TNFAIP2: variants seen among roughly 807,000 people sequenced by gnomAD.
The protein encoded by TNFAIP2 is TNF alpha induced protein 2.
TNFAIP2 carries 47 observed loss-of-function variants against 63.5 expected under a neutral mutation model. The ratio of observed to expected loss-of-function variants is 0.74; its 90% CI spans 0.59 to 0.94. The LOEUF is 0.94. TNFAIP2 is among the 40% of genes least tolerant of loss of function. TNFAIP2 has a pLI of 0.00. For missense variants in TNFAIP2, 787 were observed against 850.2 expected (o/e 0.93, Z 0.92); for synonymous variants, 405 against 390.2 (o/e 1.04, Z -0.45).
Position 103,126,526 on chromosome 14 carries a change from G to C in TNFAIP2, c.69G>C (p.Glu23Asp), listed in dbSNP as rs1244292347. 10 of 1,584,736 alleles carry C rather than the reference G, an allele frequency of 6.3e-6. No homozygotes were observed. In the Admixed American group the frequency reaches 1.8e-4, roughly 29 times the overall value. The part of the protein sequence containing the change: ...LEAGAAPYRE[E>D]EEAAKKKKEK... ...CTGGGGCAGCCCCATATAGGGAGGA[G>C]GAAGAGGCGGCGAAGAAGAAGAAGG... Residue 23 changes from glutamate to aspartate, a missense_variant, in exon 2 of 12, where the codon GAG becomes GAC. By Grantham distance (45) the Glu-to-Asp change is conservative. This residue lies in a region of TNFAIP2 where 258 missense variants were observed against 228.9 expected (regional missense o/e 1.13). Coordinates refer to ENST00000560869, the MANE Select transcript of TNFAIP2 (RefSeq NM_006291.4).
Position 103,126,494 on chromosome 14 carries a change from C to A in TNFAIP2, c.37C>A (p.Leu13Met). The change falls in exon 2 of 12, where the codon CTG becomes ATG. Residue 13 changes from leucine (L) to methionine (M), a missense_variant. Physicochemically the swap from Leu to Met is conservative, Grantham distance 15 (BLOSUM62 2). Transcript: ENST00000560869. ...CTCCTCTGAGGACCTGGTGCCACCC[C>A]TGGAGGCTGGGGCAGCCCCATATAG... The part of the protein sequence containing the change: ...EASSEDLVPP[L>M]EAGAAPYREE... The A allele has an allele frequency of 6.3e-7, 1 of 1,595,852 alleles. No homozygotes were observed. The highest frequency in any genetic ancestry group is 2.3e-5 in the East Asian group (1 of 44,002).
chr14:103,127,706 T>G lies in TNFAIP2; in HGVS notation c.860+77T>G, dbSNP rs974893023. 2.2e-6 allele frequency: 3 copies of G among 1,381,186 alleles called. No individual in the cohort carries two copies. The highest frequency in any genetic ancestry group is 1.7e-5 in the African/African-American group (1 of 59,020). The allele number at this position is 1,381,186 out of a possible 1,614,324, so 85.6% of individuals were successfully genotyped here. A position where few individuals can be genotyped will look rare whatever the true frequency, so the allele number is the denominator to read the frequency against. On this transcript the variant is annotated intron_variant, in intron 3 of 11. Coordinates refer to ENST00000560869, the MANE Select transcript of TNFAIP2 (RefSeq NM_006291.4). The surrounding 1 kb of genome is among the most constrained non-coding windows in gnomAD (Gnocchi z 5.1). ...GGAGGGGTGTCGAGGGGTGTCGAGG[T>G]GTGCCGCCGGCAGCTTTTAGTGAGG...
rs1175353038 is a variant in TNFAIP2 at position 103,127,669 on chromosome 14, G to A, written c.860+40G>A. The A allele has an allele frequency of 1.4e-6, 2 of 1,432,170 alleles. No homozygotes were observed. The highest frequency in any genetic ancestry group is 2.7e-5 in the Admixed American group (1 of 37,542). The allele number at this position is 1,432,170 out of a possible 1,614,324, so 88.7% of individuals were successfully genotyped here. A position where few individuals can be genotyped will look rare whatever the true frequency, so the allele number is the denominator to read the frequency against. On this transcript the variant is annotated intron_variant, in intron 3 of 11. Transcript: ENST00000560869. This position sits in a 1 kb window ranked among gnomAD's most constrained non-coding sequence, Gnocchi z 5.1. ...GGCTGGGCCCGGGCCGGCAGGGAGG[G>A]TGTCCTCTGTAGGAGGGGTGTCGAG...
In TNFAIP2 at chr14:103,132,795, G is replaced by A; in HGVS notation, c.1468G>A (p.Glu490Lys). Reference sequence around the variant, plus strand: ...GCACACCCGCTGGGCGGCCCCTGTGGAGACCCTGGAAAACATCATCGCCAC... The same window carrying A: ...GCACACCCGCTGGGCGGCCCCTGTGAAGACCCTGGAAAACATCATCGCCAC... ...FTHTRWAAPVETLENIIATVD... is the reference protein window; with the variant it reads ...FTHTRWAAPVKTLENIIATVD... The change falls in exon 9 of 12, where the codon GAG (glutamate) becomes AAG (lysine). Residue 490 changes from glutamate to lysine, a missense_variant. Physicochemically the swap from Glu to Lys is moderately conservative, Grantham distance 56 (BLOSUM62 1). Transcript: ENST00000560869. 1 of 1,614,034 alleles carries A rather than the reference G, an allele frequency of 6.2e-7. No individual in the cohort carries two copies.
At chr14:103,128,738 C>T (rs1030160203) in intron 3 of TNFAIP2, among the ~76,000 whole-genome samples, 6 of 152,122 alleles carry the variant, frequency 3.9e-5, no homozygotes, top group African/African-American at 1.2e-4. Flanking sequence ...GCAGGGGCCA[C>T]GGGAGAGATA....
chr14:103,132,001 TGGGAGG>T (rs1566964845), intron 8 of TNFAIP2, among the ~76,000 whole-genome samples: 10 of 5,694 alleles, frequency 1.8e-3, no homozygotes, highest in Non-Finnish European at 3.0e-3. Context: ...CGCCTGGGGC[TGGGAGG>T]GGCCGCCTGG....
In TNFAIP2 at chr14:103,126,400, C is replaced by G; in HGVS notation, c.-58C>G. 7.5e-7 allele frequency: 1 copy of G among 1,333,312 alleles called. No homozygotes were observed. Among genetic ancestry groups the G allele is most frequent in the Non-Finnish European group, 1.0e-6 (1 of 978,962 alleles). The allele number at this position is 1,333,312 out of a possible 1,614,324, so 82.6% of individuals were successfully genotyped here. ...ATCAGCCTGTGCCAGGCACCCTCGA[C>G]TTGCCTAGAGGCCCCCAAAAGTTGC... On this transcript the variant is annotated 5_prime_UTR_variant, in exon 2 of 12. Transcript: ENST00000560869.
At position 103,130,379 on chromosome 14, in the gene TNFAIP2, G is replaced by A. The variant is rs575028168; in HGVS notation, c.1163G>A (p.Arg388Gln). 25 of 1,568,832 alleles carry A rather than the reference G, an allele frequency of 1.6e-5. No individual in the cohort carries two copies. The South Asian group carries it at 2.1e-4, about 13-fold the overall frequency. The change falls in exon 6 of 12, where the codon CGG becomes CAG. Residue 388 changes from arginine (R) to glutamine (Q), a missense_variant. Physicochemically the swap from Arg to Gln is conservative, Grantham distance 43 (BLOSUM62 1). Transcript: ENST00000560869. ...ITLDLGSQIK[R>Q]VLLVELPAFL... The stretch of plus-strand genomic sequence containing the variant: ...CTGGACTTGGGCTCACAGATAAAGC[G>A]GGTGCTGCTGGTGGAGCTGCCTGCG...
intron 1 of TNFAIP2, chr14:103,124,382 G>T (rs1002696918): frequency 6.6e-6 from 1 of 152,382 alleles, no homozygotes; most frequent in Admixed American, 6.5e-5. Context: ...CAGCTGCCTC[G>T]GAGAGCGGAG....
At chr14:103,133,239 C>A in intron 9 of TNFAIP2, 123 bp from the exon 10 acceptor site, 1 of 1,244,684 alleles carries the variant, frequency 8.0e-7, no homozygotes, top group Non-Finnish European at 1.1e-6. Flanking sequence ...CGCACGAGCA[C>A]GTGTGCAGTC....
At position 103,135,671 on chromosome 14, in the gene TNFAIP2, G is replaced by A. The variant is rs115471053; in HGVS notation, c.*311G>A. On this transcript the variant is annotated 3_prime_UTR_variant, in exon 12 of 12. Transcript: ENST00000560869. The surrounding 1 kb of genome is among the most constrained non-coding windows in gnomAD (Gnocchi z 7.6). ...GAACCAGGAGGGAGAGTGCAGCCAG[G>A]CTCAGGGATCCCCGGACACCTCTGT... is the stretch of plus-strand genomic sequence containing the variant. 1.4e-3 allele frequency: 1,756 copies of A among 1,262,820 alleles called. 16 individuals carry two copies. The African/African-American group carries it at 0.024, about 17-fold the overall frequency. 78.2% of individuals were successfully genotyped at this position (1,262,820 alleles called of 1,614,324 possible).
In TNFAIP2 at chr14:103,131,266, C is replaced by G; in HGVS notation, c.1298+116C>G. 2 of 1,157,930 alleles carry G rather than the reference C, an allele frequency of 1.7e-6. No homozygotes were observed. The highest frequency in any genetic ancestry group is 2.5e-6 in the Non-Finnish European group (2 of 790,268). The allele number at this position is 1,157,930 out of a possible 1,614,324, so 71.7% of individuals were successfully genotyped here. ...GGCCAAGAAGTGGAATTCAAACCAG[C>G]AACATGTGTGAGGACTCCACGGCCT... is the stretch of plus-strand genomic sequence containing the variant. On this transcript the variant is annotated intron_variant, in intron 7 of 11. Transcript: ENST00000560869. The surrounding 1 kb of genome is among the most constrained non-coding windows in gnomAD (Gnocchi z 4.0).
chr14:103,126,739 T>C, intron 2 of TNFAIP2, 47 bp downstream of exon 2: 1 of 1,528,190 alleles, frequency 6.5e-7, no homozygotes. Flanking sequence ...CTGGACGGGG[T>C]TGGCGCTCAT....
rs184375914 is a variant in TNFAIP2, at chr14:103,133,442, G to A, written c.1626G>A (p.Thr542=). 1.8e-4 allele frequency: 292 copies of A among 1,614,012 alleles called. 1 individual carries two copies. Among genetic ancestry groups the A allele is most frequent in the Middle Eastern group, 8.3e-4 (5 of 6,056 alleles). ...QLSKGRLVLK[T]AEQQQQLAGY... ...GCAAGGGGCGCCTGGTCCTCAAGAC[G>A]GCCGAGCAGCAGCAGCAGCTGGCTG... The change falls in exon 10 of 12, where the codon ACG becomes ACA. Residue 542 remains threonine, a synonymous_variant. Transcript: ENST00000560869.
Position 103,127,186 on chromosome 14 carries a change from G to C in TNFAIP2, c.417G>C (p.Val139=), listed in dbSNP as rs1382674790. The C allele has an allele frequency of 1.8e-6, 2 of 1,128,210 alleles. No individual in the cohort carries two copies. 69.9% of individuals were successfully genotyped at this position (1,128,210 alleles called of 1,614,324 possible). ...YELLRDQVLG[V]LRRPLEAPPE... is the part of the protein sequence containing the mutation. Reference sequence around the variant, plus strand: ...TGCTGCGCGACCAGGTGCTGGGCGTGCTGCGGCGGCCGCTGGAGGCGCCGC... The same window carrying C: ...TGCTGCGCGACCAGGTGCTGGGCGTCCTGCGGCGGCCGCTGGAGGCGCCGC... Residue 139 remains valine, a synonymous_variant, in exon 3 of 12, where the codon GTG becomes GTC. Coordinates refer to ENST00000560869, the MANE Select transcript of TNFAIP2 (RefSeq NM_006291.4). This position sits in a 1 kb window ranked among gnomAD's most constrained non-coding sequence, Gnocchi z 5.1.
chr14:103,136,520 CTTTT>C lies in TNFAIP2; in HGVS notation c.*1175_*1178del, dbSNP rs11358000. The C allele has an allele frequency of 8.3e-5, 10 of 120,912 alleles. No individual in the cohort carries two copies. Among genetic ancestry groups the C allele is most frequent in the Admixed American group, 1.6e-4 (2 of 12,656 alleles). The allele number at this position is 120,912 out of a possible 1,614,324, so 7.5% of individuals were successfully genotyped here. A position where few individuals can be genotyped will look rare whatever the true frequency, so the allele number is the denominator to read the frequency against. On this transcript the variant is annotated 3_prime_UTR_variant, in exon 12 of 12. Coordinates refer to ENST00000560869, the MANE Select transcript of TNFAIP2 (RefSeq NM_006291.4). The stretch of plus-strand genomic sequence containing the variant: ...TCCCCTCTCCTGCCTCCCTCCACCA[CTTTT>C]TTTTTTTTTTTTTTGAGACAGGGTC...
At chr14:103,122,970 A>AG (rs1378566652), upstream of TNFAIP2, 1 of 361,964 alleles carries the variant, frequency 2.8e-6, no homozygotes, top group South Asian at 2.0e-5. Flanking sequence ...CCTTCCCCTT[A>AG]GGGGGCCTCC....
At chr14:103,133,931 C>T (rs2088043388) in intron 11 of TNFAIP2, 128 bp downstream of exon 11, 1 of 1,240,038 alleles carries the variant, frequency 8.1e-7, no homozygotes. Flanking sequence ...TCACCAGGGG[C>T]TCATTCTTGT....
Position 103,123,495 on chromosome 14 carries a change from C to T in TNFAIP2, c.-605C>T, listed in dbSNP as rs1478116405. 1 of 152,170 alleles carries T rather than the reference C, an allele frequency of 6.6e-6. No homozygotes were observed. Among genetic ancestry groups the T allele is most frequent in the Non-Finnish European group, 1.5e-5 (1 of 68,076 alleles). The allele number at this position is 152,170 out of a possible 1,614,324, so 9.4% of individuals were successfully genotyped here. A position where few individuals can be genotyped will look rare whatever the true frequency, so the allele number is the denominator to read the frequency against. On this transcript the variant is annotated 5_prime_UTR_variant, in exon 1 of 12. Coordinates refer to ENST00000560869, the MANE Select transcript of TNFAIP2 (RefSeq NM_006291.4). The stretch of plus-strand genomic sequence containing the variant: ...CAGGCCGGGACACGGTAAGTGACCT[C>T]CGCTTCCACACGTCCATTCCCCGCC...
Sources: gnomAD v4.1 joint callset for allele counts (sites outside exome capture counted in the v4.1 genomes callset) on GRCh38, gnomAD v4.1.1 for gene constraint, gnomAD v4.1.1 regional missense constraint, Gnocchi (gnomAD v3.1) non-coding constraint, MANE v1.5 for transcripts, NCBI Gene and HGNC (gene_info 2026-07-23, HGNC 2026-07-21) for gene names.